IL17RD: variants seen among roughly 807,000 people sequenced by gnomAD.
IL17RD encodes the protein interleukin 17 receptor D.
A neutral mutation model predicts 80.5 loss-of-function variants in IL17RD; 52 were observed. The observed-to-expected ratio is 0.65, with a 90% CI of 0.52 to 0.81. The LOEUF is 0.81. IL17RD is among the 40% of genes least tolerant of loss of function. IL17RD has a pLI of 0.00. For synonymous variants in IL17RD, 416 were observed against 391.8 expected (o/e 1.06, Z -0.73); for missense variants, 1,024 against 955.1 (o/e 1.07, Z -0.95).
Position 57,134,105 on chromosome 3 carries a change from G to A in IL17RD, c.127-13792C>T, listed in dbSNP as rs1707669558. The A allele has an allele frequency of 7.5e-6, 4 of 534,742 alleles. No individual in the cohort carries two copies. In the African/African-American group the frequency reaches 7.6e-5, roughly 10 times the overall value. The allele number at this position is 534,742 out of a possible 1,614,324, so 33.1% of individuals were successfully genotyped here. A position where few individuals can be genotyped will look rare whatever the true frequency, so the allele number is the denominator to read the frequency against. ...CTGACTTTAAACTAAGAATCGGGGA[G>A]CTCATTGCTTTCGCTGCTGCGGCCA... On this transcript the variant is annotated intron_variant, in intron 1 of 12. Coordinates refer to ENST00000296318, the MANE Select transcript of IL17RD (RefSeq NM_017563.5).
At chr3:57,103,208 A>T (rs956669562) in intron 8 of IL17RD, 63 bp from the exon 9 acceptor site, 10 of 1,388,348 alleles carry the variant, frequency 7.2e-6, no homozygotes, top group African/African-American at 1.4e-5. Flanking sequence ...TAAGTGGAAA[A>T]AAATGGTAAT....
intron 3 of IL17RD, among the ~76,000 whole-genome samples, chr3:57,114,056 C>G (rs1707157930): frequency 6.9e-6 from 1 of 144,560 alleles, no homozygotes; most frequent in Admixed American, 7.4e-5. Context: ...TGGTGGTGGG[C>G]ACTTATAATC....
At chr3:57,145,451 AGC>A (rs1707907033) in intron 1 of IL17RD, among the ~76,000 whole-genome samples, 1 of 152,236 alleles carries the variant, frequency 6.6e-6, no homozygotes, top group African/African-American at 2.4e-5. Flanking sequence ...AAAAGTGACC[AGC>A]AGAGCCGACA....
chr3:57,135,736 G>A (rs1226342342), intron 1 of IL17RD, among the ~76,000 whole-genome samples: 1 of 152,184 alleles, frequency 6.6e-6, no homozygotes, highest in Non-Finnish European at 1.5e-5. Context: ...AAGTGAGTTA[G>A]GACCACTGGG....
At chr3:57,163,522 G>A (rs534651633) in intron 1 of IL17RD, among the ~76,000 whole-genome samples, 2 of 152,018 alleles carry the variant, frequency 1.3e-5, no homozygotes, top group East Asian at 1.9e-4. Flanking sequence ...ACAGTGAATC[G>A]GACTGATTTA....
intron 7 of IL17RD, among the ~76,000 whole-genome samples, chr3:57,105,552 A>AATATATATATAT (rs1553623051): frequency 3.6e-4 from 23 of 63,566 alleles, no homozygotes; most frequent in African/African-American, 1.6e-3. Flanking sequence ...AAAAAAAAAA[A>AATATATATATAT]ATATATATAT....
At position 57,101,255 on chromosome 3, in the gene IL17RD, G is replaced by C. The variant is rs754661399; in HGVS notation, c.1088C>G (p.Ser363Cys). Reference protein sequence around the residue: ...RPRPKVFLCYSSKDGQNHMNV... With the variant: ...RPRPKVFLCYCSKDGQNHMNV... ...CATGTGATTCTGGCCATCTTTACTG[G>C]AATAGCAGAGAAAGACCTTCGGCCG... Residue 363 changes from serine (S) to cysteine (C), a missense_variant, in exon 11 of 13, where the codon TCC (serine) becomes TGC (cysteine). Physicochemically the swap from Ser to Cys is moderately radical, Grantham distance 112. Coordinates refer to ENST00000296318, the MANE Select transcript of IL17RD (RefSeq NM_017563.5). 1.2e-6 allele frequency: 2 copies of C among 1,613,714 alleles called. No homozygotes were observed. Among genetic ancestry groups the C allele is most frequent in the South Asian group, 1.1e-5 (1 of 91,014 alleles).
rs1463453433 is a variant in IL17RD, at chr3:57,103,154, CAG to C, written c.814-11_814-10del. 6.3e-7 allele frequency: 1 copy of C among 1,598,356 alleles called. No individual in the cohort carries two copies. The highest frequency in any genetic ancestry group is 8.5e-7 in the Non-Finnish European group (1 of 1,171,388). On this transcript the variant is annotated splice_polypyrimidine_tract_variant and intron_variant, in intron 8 of 12. Coordinates refer to ENST00000296318, the MANE Select transcript of IL17RD (RefSeq NM_017563.5). ...TTAGTGTCATCCACCAGCTGCAAAA[CAG>C]AGGATGCTGCATTATTTTTTTTTAA...
rs1424918534 is a variant in IL17RD at position 57,165,280 on chromosome 3, G to A, written c.7C>T (p.Pro3Ser). The A allele has an allele frequency of 5.4e-6, 8 of 1,478,910 alleles. No individual in the cohort carries two copies. Among genetic ancestry groups the A allele is most frequent in the Admixed American group, 2.4e-5 (1 of 42,012 alleles). The allele number at this position is 1,478,910 out of a possible 1,614,324, so 91.6% of individuals were successfully genotyped here. Reference sequence around the variant, plus strand: ...AAGACGGAGCAGAGCTGCAGCCACGGGGCCATGGCCGTGCGCTCGCCCAGC... The same window carrying A: ...AAGACGGAGCAGAGCTGCAGCCACGAGGCCATGGCCGTGCGCTCGCCCAGC... MA[P>S]WLQLCSVFFT... Residue 3 changes from proline to serine, a missense_variant, in exon 1 of 13, where the codon CCG becomes TCG. Pro to Ser is a moderately conservative substitution (Grantham distance 74, BLOSUM62 -1). Coordinates refer to ENST00000296318, the MANE Select transcript of IL17RD (RefSeq NM_017563.5).
At position 57,165,182 on chromosome 3, in the gene IL17RD, G is replaced by A. The variant is rs1265510226; in HGVS notation, c.105C>T (p.Gly35=). Residue 35 remains glycine (G), a synonymous_variant, in exon 1 of 13, where the codon GGC becomes GGT. Transcript: ENST00000296318. The part of the protein sequence containing the change: ...VAAGGSGRAR[G]ADTCGWRGVG... ...TTACCCTCCAGCCACAGGTGTCGGC[G>A]CCCCGCGCGCGGCCGGACCCGCCAG... 1.3e-6 allele frequency: 2 copies of A among 1,526,440 alleles called. No individual in the cohort carries two copies. Among genetic ancestry groups the A allele is most frequent in the East Asian group, 2.6e-5 (1 of 38,542 alleles). The allele number at this position is 1,526,440 out of a possible 1,614,324, so 94.6% of individuals were successfully genotyped here.
chr3:57,143,600 A>G (rs985487474), intron 1 of IL17RD, among the ~76,000 whole-genome samples: 4 of 152,254 alleles, frequency 2.6e-5, no homozygotes, highest in African/African-American at 9.6e-5. Flanking sequence ...CCTAGGCTTC[A>G]TATGCACCCA....
intron 1 of IL17RD, among the ~76,000 whole-genome samples, chr3:57,156,755 A>T (rs1440019106): frequency 6.6e-6 from 1 of 151,968 alleles, no homozygotes; most frequent in Non-Finnish European, 1.5e-5. Flanking sequence ...GTTATCTAGT[A>T]CCTATATCTT....
At chr3:57,164,719 C>T (rs1296178639) in intron 1 of IL17RD, among the ~76,000 whole-genome samples, 1 of 152,178 alleles carries the variant, frequency 6.6e-6, no homozygotes, top group Non-Finnish European at 1.5e-5. Context: ...CGGGCCTTAG[C>T]AGGGTTGTGG....
At chr3:57,169,457 C>A, upstream of IL17RD, 1 of 230,528 alleles carries the variant, frequency 4.3e-6, no homozygotes, top group Non-Finnish European at 8.9e-6. Context: ...AATATATTTT[C>A]CCACTCTAAT....
intron 2 of IL17RD, among the ~76,000 whole-genome samples, chr3:57,118,039 A>C (rs1707253905): frequency 6.6e-6 from 1 of 152,226 alleles, no homozygotes; most frequent in Non-Finnish European, 1.5e-5. Context: ...CACAAACCCC[A>C]TATTAAATTA....
intron 1 of IL17RD, among the ~76,000 whole-genome samples, chr3:57,141,225 A>C (rs1178248007): frequency 6.6e-6 from 1 of 152,190 alleles, no homozygotes; most frequent in Non-Finnish European, 1.5e-5. Context: ...TAACCACAGT[A>C]TGCTGATGTT....
chr3:57,163,425 C>T (rs945798896), intron 1 of IL17RD, among the ~76,000 whole-genome samples: 9 of 152,090 alleles, frequency 5.9e-5, no homozygotes, highest in Non-Finnish European at 8.8e-5. Context: ...AGCCTGGCTC[C>T]GTCAGGGCAC....
chr3:57,145,593 G>T (rs1025376011), intron 1 of IL17RD, among the ~76,000 whole-genome samples: 5 of 152,198 alleles, frequency 3.3e-5, no homozygotes, highest in African/African-American at 1.2e-4. Flanking sequence ...TTTCCCAAGT[G>T]AGATGAAAAA....
intron 1 of IL17RD, among the ~76,000 whole-genome samples, chr3:57,143,024 ATAAAG>A (rs1488968452): frequency 3.9e-5 from 6 of 152,206 alleles, no homozygotes; most frequent in South Asian, 2.1e-4. Context: ...CGGAGCATAA[ATAAAG>A]TAGACAGAGA....
Sources: allele counts gnomAD v4.1 joint callset (sites outside exome capture counted in the v4.1 genomes callset), GRCh38; gene constraint gnomAD v4.1.1; transcripts MANE v1.5; gene names NCBI Gene and HGNC (gene_info 2026-07-23, HGNC 2026-07-21).